MGAT5B: variants seen among roughly 807,000 people sequenced by gnomAD.
MGAT5B encodes the protein N-acetylglucosaminyl-transferase Vb.
A neutral mutation model predicts 95.1 loss-of-function variants in MGAT5B; 54 were observed. That is an observed-to-expected ratio of 0.57 (90% CI 0.46 to 0.71). The LOEUF (loss-of-function observed/expected upper bound fraction) is 0.71, where lower values mean the gene tolerates loss of function less well. Ranked by LOEUF, MGAT5B falls within the 30% of genes least tolerant of loss-of-function variation. The probability of loss-of-function intolerance (pLI) is 0.00; values close to 1 mark genes in which losing one functional copy is unlikely to be tolerated. For synonymous variants in MGAT5B, 464 were observed against 451.0 expected (o/e 1.03, Z -0.36); for missense variants, 935 against 1,088.6 (o/e 0.86, Z 1.99).
intron 1 of MGAT5B, chr17:76,872,604 A>G: frequency 7.0e-7 from 1 of 1,427,334 alleles, no homozygotes; most frequent in Non-Finnish European, 9.2e-7. Flanking sequence ...CCTCATGCCT[A>G]AGTGTGCGTC....
rs1567806952 is a variant in MGAT5B, at chr17:76,906,810, G to A, written c.1025+623G>A. On this transcript the variant is annotated intron_variant, in intron 8 of 17. Transcript: ENST00000569840. This position sits in a 1 kb window ranked among gnomAD's most constrained non-coding sequence, Gnocchi z 4.6. ...GGGTTTATTTTTAATCACTGTTTCT[G>A]TGGGATGTAGGAATACAGGAGATTC... Among the ~76,000 whole-genome samples the A allele has an allele frequency of 6.6e-6, 1 of 152,082 alleles. No homozygotes were observed. Among genetic ancestry groups the A allele is most frequent in the Non-Finnish European group, 1.5e-5 (1 of 68,012 alleles).
Position 76,902,633 on chromosome 17 carries a change from C to T in MGAT5B, c.408C>T (p.Asp136=), listed in dbSNP as rs747716153. The T allele has an allele frequency of 6.2e-7, 1 of 1,601,130 alleles. No homozygotes were observed. The highest frequency in any genetic ancestry group is 1.1e-5 in the South Asian group (1 of 88,610). ...QNVSDIAVKV[D]QILRHSLLLH... is the part of the protein sequence containing the mutation. ...TCTCCGACATCGCTGTGAAGGTGGA[C>T]CAGATCCTGCGCCACAGTCTGCTCC... Residue 136 remains aspartate, a synonymous_variant, in exon 4 of 18, where the codon GAC becomes GAT. Coordinates refer to ENST00000569840, the MANE Select transcript of MGAT5B (RefSeq NM_001199172.2).
rs8067984 is a variant in MGAT5B, at chr17:76,946,396, C to T, written c.1869C>T (p.Tyr623=). The change falls in exon 16 of 18, where the codon TAC becomes TAT. Residue 623 remains tyrosine, a synonymous_variant. Transcript: ENST00000569840. ...MRTQVDPYLP[Y]EYTCEGMLER... ...CACAGGTAGACCCCTACCTACCCTA[C>T]GAGTACACCTGCGAGGGGATGCTGG... The T allele has an allele frequency of 0.39, 622,600 of 1,602,668 alleles. 124,156 individuals are homozygous for T. Among genetic ancestry groups the T allele is most frequent in the East Asian group, 0.58 (25,192 of 43,598 alleles).
chr17:76,911,187 T>C (rs1220947162), intron 8 of MGAT5B, among the ~76,000 whole-genome samples: 1 of 152,196 alleles, frequency 6.6e-6, no homozygotes, highest in East Asian at 1.9e-4. Context: ...CTCCCAGTGA[T>C]TCTAATGGGC....
intron 3 of MGAT5B, among the ~76,000 whole-genome samples, chr17:76,893,634 G>A (rs576857644): frequency 1.6e-4 from 24 of 152,340 alleles, no homozygotes; most frequent in Admixed American, 5.9e-4. Flanking sequence ...CCTGTCCCCC[G>A]TGCCGGGGTA....
rs2145100838 is a variant in MGAT5B at position 76,869,246 on chromosome 17, G to A, written c.68+149G>A. 3.0e-6 allele frequency: 2 copies of A among 675,416 alleles called. No individual in the cohort carries two copies. Among genetic ancestry groups the A allele is most frequent in the East Asian group, 2.8e-5 (1 of 35,450 alleles). 41.8% of individuals were successfully genotyped at this position (675,416 alleles called of 1,614,324 possible). On this transcript the variant is annotated intron_variant, in intron 1 of 17. Coordinates refer to ENST00000569840, the MANE Select transcript of MGAT5B (RefSeq NM_001199172.2). This position sits in a 1 kb window ranked among gnomAD's most constrained non-coding sequence, Gnocchi z 7.0. ...GATGACCAGTGGGGCTGGGCTGGGG[G>A]AACGGATGGCGTTGGGGTTCGGGGT...
At chr17:76,925,438 C>T (rs1225033375) in intron 9 of MGAT5B, among the ~76,000 whole-genome samples, 2 of 149,740 alleles carry the variant, frequency 1.3e-5, no homozygotes, top group East Asian at 4.1e-4. Context: ...GGGCTGTGAC[C>T]CTGCTGTGGG....
chr17:76,890,272 G>C (rs942056528), intron 3 of MGAT5B, among the ~76,000 whole-genome samples: 1 of 152,260 alleles, frequency 6.6e-6, no homozygotes, highest in Admixed American at 6.5e-5. Context: ...TTCTGATGTG[G>C]TCCATTCTGC....
intron 2 of MGAT5B, among the ~76,000 whole-genome samples, chr17:76,874,664 G>A (rs1018320203): frequency 3.0e-4 from 45 of 152,218 alleles, no homozygotes; most frequent in African/African-American, 9.2e-4. Context: ...CCGGGCTCTG[G>A]TTTTTATGCC....
intron 8 of MGAT5B, among the ~76,000 whole-genome samples, chr17:76,913,182 G>C (rs996412919): frequency 6.6e-6 from 1 of 152,230 alleles, no homozygotes; most frequent in African/African-American, 2.4e-5. Flanking sequence ...CTGGGGCCAG[G>C]TGCCCAAAGG....
Position 76,912,276 on chromosome 17 carries a change from G to GGGGCCCT in MGAT5B, c.1025+6094_1025+6100dup, listed in dbSNP as rs1968768048. On this transcript the variant is annotated intron_variant, in intron 8 of 17. Transcript: ENST00000569840. This position sits in a 1 kb window ranked among gnomAD's most constrained non-coding sequence, Gnocchi z 5.0. ...CCCATAATAAGATGGCAACCACTGG[G>GGGGCCCT]GGGCCCTGGGCAGAGTTCCCAGCGA... Among the ~76,000 whole-genome samples, 1 of 152,158 alleles carries GGGGCCCT rather than the reference G, an allele frequency of 6.6e-6. No homozygotes were observed. Among genetic ancestry groups the GGGGCCCT allele is most frequent in the Non-Finnish European group, 1.5e-5 (1 of 68,034 alleles).
intron 15 of MGAT5B, chr17:76,944,242 A>G (rs1599009205): frequency 9.2e-6 from 1 of 108,610 alleles, no homozygotes; most frequent in Non-Finnish European, 2.2e-5. Context: ...GGCAGGCGGA[A>G]CGTCGTCGTC....
intron 6 of MGAT5B, 100 bp downstream of exon 6, chr17:76,904,522 C>A: frequency 1.5e-6 from 2 of 1,345,534 alleles, no homozygotes; most frequent in South Asian, 1.4e-5. Flanking sequence ...TGAGACTGAG[C>A]TGCTTGCCAG....
intron 12 of MGAT5B, among the ~76,000 whole-genome samples, chr17:76,935,686 T>C (rs559542181): frequency 2.7e-5 from 4 of 148,398 alleles, no homozygotes; most frequent in Non-Finnish European, 5.9e-5. Context: ...TTTCTTACTA[T>C]GGAGTTGTTA....
At chr17:76,900,995 A>C (rs1968296095) in intron 3 of MGAT5B, among the ~76,000 whole-genome samples, 1 of 152,070 alleles carries the variant, frequency 6.6e-6, no homozygotes, top group Admixed American at 6.5e-5. Flanking sequence ...ATGTGTGTAC[A>C]TGGGGGGCTT....
In MGAT5B at chr17:76,933,829, G is replaced by T. The variant is rs1598989709; in HGVS notation, c.1428+532G>T. ...TTCAGAGGTCGGGAGGGCTGGTGTG[G>T]CGTTCCCCGGGGTCTTCTTACCTTG... On this transcript the variant is annotated intron_variant, in intron 12 of 17. Coordinates refer to ENST00000569840, the MANE Select transcript of MGAT5B (RefSeq NM_001199172.2). Among the ~76,000 whole-genome samples, 4 of 152,308 alleles carry T rather than the reference G, an allele frequency of 2.6e-5. No homozygotes were observed. The South Asian group carries it at 8.3e-4, about 32-fold the overall frequency.
intron 3 of MGAT5B, among the ~76,000 whole-genome samples, chr17:76,887,640 G>A (rs765000443): frequency 2.7e-5 from 4 of 147,460 alleles, no homozygotes; most frequent in Non-Finnish European, 4.5e-5. Flanking sequence ...TGCACCCTCC[G>A]CCTCCAGGGT....
intron 8 of MGAT5B, among the ~76,000 whole-genome samples, chr17:76,923,441 C>T (rs949751675): frequency 3.9e-5 from 6 of 152,254 alleles, no homozygotes; most frequent in South Asian, 2.1e-4. Context: ...AGATGGGACC[C>T]GATGGCCTGG....
At chr17:76,885,661 C>CACCCATCA (rs1568167835) in intron 3 of MGAT5B, among the ~76,000 whole-genome samples, 1 of 152,226 alleles carries the variant, frequency 6.6e-6, no homozygotes, top group African/African-American at 2.4e-5. Flanking sequence ...CCATCCATCA[C>CACCCATCA]GACCGGCAGA....
Sources: gnomAD v4.1 joint callset for allele counts (sites outside exome capture counted in the v4.1 genomes callset) on GRCh38, gnomAD v4.1.1 for gene constraint, Gnocchi (gnomAD v3.1) non-coding constraint, MANE v1.5 for transcripts, NCBI Gene and HGNC (gene_info 2026-07-23, HGNC 2026-07-21) for gene names.